Variants in AIG1 observed in about 807,000 individuals in gnomAD.
The protein encoded by AIG1 is androgen-induced gene 1 protein.
A neutral mutation model predicts 31.4 loss-of-function variants in AIG1; 23 were observed. The observed-to-expected ratio is 0.73, with a 90% CI of 0.53 to 1.04. The LOEUF (loss-of-function observed/expected upper bound fraction) is 1.04. AIG1 is among the 50% of genes least tolerant of loss of function. The probability of loss-of-function intolerance (pLI) is 0.00; values close to 1 mark genes in which losing one functional copy is unlikely to be tolerated. For missense variants in AIG1, 274 were observed against 295.0 expected, an observed-to-expected ratio of 0.93 and a Z score of 0.52; for synonymous variants, 100 against 110.5, an observed-to-expected ratio of 0.90 and a Z score of 0.60.
At chr6:143,155,619 G>T (rs1024886841) in intron 2 of AIG1, among the ~76,000 whole-genome samples, 1 of 152,096 alleles carries the variant, frequency 6.6e-6, no homozygotes, top group Admixed American at 6.5e-5. Context: ...AAACTGGGGG[G>T]AGAAAACAAG....
chr6:143,083,432 G>C (rs1778467063), intron 1 of AIG1, among the ~76,000 whole-genome samples: 1 of 152,204 alleles, frequency 6.6e-6, no homozygotes, highest in African/African-American at 2.4e-5. Context: ...TAAGAATTGA[G>C]AGTCAGGATG....
chr6:143,225,053 G>A (rs1792842143), intron 3 of AIG1, among the ~76,000 whole-genome samples: 1 of 152,096 alleles, frequency 6.6e-6, no homozygotes, highest in African/African-American at 2.4e-5. Context: ...TTAATTCCAA[G>A]CACTGTCCTT....
At chr6:143,211,486 C>A (rs1346810424) in intron 3 of AIG1, among the ~76,000 whole-genome samples, 1 of 152,206 alleles carries the variant, frequency 6.6e-6, no homozygotes, top group Non-Finnish European at 1.5e-5. Context: ...CTAGTTTATA[C>A]TCTGTACCAA....
At chr6:143,137,421 G>A (rs1461363922) in intron 2 of AIG1, among the ~76,000 whole-genome samples, 2 of 152,192 alleles carry the variant, frequency 1.3e-5, no homozygotes, top group Non-Finnish European at 2.9e-5. Context: ...GTGAGATTCT[G>A]GGGGTTAGGG....
At chr6:143,305,655 A>G (rs1799215081) in intron 4 of AIG1, among the ~76,000 whole-genome samples, 1 of 152,096 alleles carries the variant, frequency 6.6e-6, no homozygotes, top group African/African-American at 2.4e-5. Flanking sequence ...CTATGTGGTC[A>G]ATTTTGGAAT....
intron 3 of AIG1, among the ~76,000 whole-genome samples, chr6:143,222,220 G>C (rs1481570729): frequency 6.6e-6 from 1 of 152,116 alleles, no homozygotes; most frequent in Non-Finnish European, 1.5e-5. Context: ...CATAGTGGAA[G>C]ATTCTTCAGG....
At chr6:143,300,280 T>C (rs1798737254) in intron 4 of AIG1, among the ~76,000 whole-genome samples, 1 of 152,206 alleles carries the variant, frequency 6.6e-6, no homozygotes, top group Non-Finnish European at 1.5e-5. Context: ...TTAATGTTTG[T>C]CAAAACATAC....
chr6:143,321,343 T>C (rs1776193963), intron 4 of AIG1, among the ~76,000 whole-genome samples: 1 of 151,736 alleles, frequency 6.6e-6, no homozygotes, highest in Admixed American at 6.6e-5. Flanking sequence ...CTCACACCTG[T>C]AATCCCAGCA....
At chr6:143,102,609 C>T (rs997621213) in intron 1 of AIG1, among the ~76,000 whole-genome samples, 3 of 147,180 alleles carry the variant, frequency 2.0e-5, no homozygotes, top group African/African-American at 7.4e-5. Context: ...AGAACATATC[C>T]CAGGGGAGAT....
intron 3 of AIG1, among the ~76,000 whole-genome samples, chr6:143,213,731 G>T (rs1333994348): frequency 4.7e-5 from 7 of 149,574 alleles, no homozygotes; most frequent in Non-Finnish European, 1.0e-4. Flanking sequence ...TGTCCAGGCT[G>T]GTCCCAAACT....
chr6:143,082,704 A>T (rs560364137), intron 1 of AIG1, among the ~76,000 whole-genome samples: 2 of 152,228 alleles, frequency 1.3e-5, no homozygotes, highest in East Asian at 3.9e-4. Flanking sequence ...TTACTCAGGT[A>T]TGCCACGGGT....
At position 143,299,397 on chromosome 6, in the gene AIG1, A is replaced by G. The variant is rs1798672659; in HGVS notation, c.515+15172A>G. 1 of 152,172 alleles carries G rather than the reference A, an allele frequency of 6.6e-6. No individual in the cohort carries two copies. The highest frequency in any genetic ancestry group is 1.5e-5 in the Non-Finnish European group (1 of 68,042). The allele number at this position is 152,172 out of a possible 1,614,324, so 9.4% of individuals were successfully genotyped here. A position where few individuals can be genotyped will look rare whatever the true frequency, so the allele number is the denominator to read the frequency against. On this transcript the variant is annotated intron_variant, in intron 4 of 5. Coordinates refer to ENST00000357847, the MANE Select transcript of AIG1 (RefSeq NM_016108.4). This position sits in a 1 kb window ranked among gnomAD's most constrained non-coding sequence, Gnocchi z 4.1. Reference sequence around the variant, plus strand: ...AGAAGGGCATTGTGTGGGTGCCACAATCATCTAAGTCTACCAGCAGTATAT... The same window carrying G: ...AGAAGGGCATTGTGTGGGTGCCACAGTCATCTAAGTCTACCAGCAGTATAT...
chr6:143,068,787 A>G (rs1583054293), intron 1 of AIG1, among the ~76,000 whole-genome samples: 1 of 152,234 alleles, frequency 6.6e-6, no homozygotes, highest in Non-Finnish European at 1.5e-5. Context: ...TAGAGAGACT[A>G]CAGTATATAT....
Position 143,329,627 on chromosome 6 carries a change from C to T in AIG1, c.516-3655C>T, listed in dbSNP as rs1378897517. Among the ~76,000 whole-genome samples the T allele has an allele frequency of 1.3e-5, 2 of 152,148 alleles. No individual in the cohort carries two copies. Among genetic ancestry groups the T allele is most frequent in the East Asian group, 3.8e-4 (2 of 5,200 alleles). ...TGTGAAATACAAAGAACTACTTAAA[C>T]AAGTAGTCAGCAGATGACAGCCGGT... On this transcript the variant is annotated intron_variant, in intron 4 of 5. Transcript: ENST00000357847. The surrounding 1 kb of genome is among the most constrained non-coding windows in gnomAD (Gnocchi z 4.9).
intron 1 of AIG1, among the ~76,000 whole-genome samples, chr6:143,085,364 C>T (rs1048081063): frequency 2.0e-5 from 3 of 152,142 alleles, no homozygotes; most frequent in African/African-American, 7.2e-5. Context: ...ACCCATGGAC[C>T]TCTGCTTATT....
chr6:143,088,267 T>C (rs1190338635), intron 1 of AIG1, among the ~76,000 whole-genome samples: 1 of 108,796 alleles, frequency 9.2e-6, no homozygotes, highest in Non-Finnish European at 1.6e-5. Context: ...ACTGCACATC[T>C]TTTTTTTTTT....
intron 1 of AIG1, among the ~76,000 whole-genome samples, chr6:143,072,085 C>G (rs1050863591): frequency 6.6e-6 from 1 of 152,190 alleles, no homozygotes; most frequent in East Asian, 1.9e-4. Flanking sequence ...AGCCACTATG[C>G]CTGGCTCATT....
chr6:143,308,515 C>G (rs1774984408), intron 4 of AIG1, among the ~76,000 whole-genome samples: 1 of 152,208 alleles, frequency 6.6e-6, no homozygotes, highest in Non-Finnish European at 1.5e-5. Flanking sequence ...TGATAAGCGT[C>G]ACTTCTCTTT....
chr6:143,310,362 T>C (rs192593366), intron 4 of AIG1, among the ~76,000 whole-genome samples: 21 of 151,992 alleles, frequency 1.4e-4, no homozygotes, highest in African/African-American at 5.1e-4. Flanking sequence ...GTCCAAAGTA[T>C]TTGGAAATTA....
Sources: gnomAD v4.1 joint callset for allele counts (sites outside exome capture counted in the v4.1 genomes callset) on GRCh38, gnomAD v4.1.1 for gene constraint, Gnocchi (gnomAD v3.1) non-coding constraint, MANE v1.5 for transcripts, NCBI Gene and HGNC (gene_info 2026-07-23, HGNC 2026-07-21) for gene names.